The following TTN variants were observed in gnomAD, a reference collection of about 807,000 sequenced individuals.
The protein encoded by TTN is connectin.
A neutral mutation model predicts 3,223.0 loss-of-function variants in TTN; 1,525 were observed. The ratio of observed to expected loss-of-function variants is 0.47; its 90% CI spans 0.45 to 0.49. TTN has a LOEUF of 0.49. TTN is among the 20% of genes least tolerant of loss of function. The pLI is 0.00. For synonymous variants in TTN, 14,094 were observed against 15,161.0 expected (o/e 0.93, Z 5.17); for missense variants, 40,786 against 43,424.0 (o/e 0.94, Z 5.40).
In TTN at chr2:178,604,165, T is replaced by G; in HGVS notation, c.54522A>C (p.Lys18174Asn). The change falls in exon 282 of 363, where the codon AAA becomes AAC. Residue 18174 changes from lysine (K) to asparagine (N), a missense_variant. Coordinates refer to ENST00000589042, the MANE Select transcript of TTN (RefSeq NM_001267550.2). Reference sequence around the variant, plus strand: ...TTGATCCTTTGGTGCGTGCCAAAACTTTTGGTTTTCCTGGAGGTCCAGGAA... The same window carrying G: ...TTGATCCTTTGGTGCGTGCCAAAACGTTTGGTTTTCCTGGAGGTCCAGGAA... The part of the protein sequence containing the change: ...YRLPGPPGKP[K>N]VLARTKGSML... 2 of 1,612,098 alleles carry G rather than the reference T, an allele frequency of 1.2e-6. No homozygotes were observed. Among genetic ancestry groups the G allele is most frequent in the East Asian group, 2.2e-5 (1 of 44,712 alleles).
In TTN at chr2:178,634,916, T is replaced by A. The variant is rs569261819; in HGVS notation, c.42025-67A>T. ...TTCCCTATAGGAGAAGTGTTTCAGA[T>A]ACAAATTTCTATAGAGTTTTAAAAA... is the stretch of plus-strand genomic sequence containing the variant. On this transcript the variant is annotated intron_variant, in intron 228 of 362. Transcript: ENST00000589042. This position sits in a 1 kb window ranked among gnomAD's most constrained non-coding sequence, Gnocchi z 4.6. 9 of 1,528,312 alleles carry A rather than the reference T, an allele frequency of 5.9e-6. No individual in the cohort carries two copies. The highest frequency in any genetic ancestry group is 7.9e-6 in the Non-Finnish European group (9 of 1,142,734). The allele number at this position is 1,528,312 out of a possible 1,614,324, so 94.7% of individuals were successfully genotyped here.
intron 257 of TTN, 122 bp downstream of exon 257, chr2:178,616,357 A>G: frequency 1.5e-6 from 2 of 1,362,482 alleles, no homozygotes; most frequent in Non-Finnish European, 2.0e-6. Flanking sequence ...AAGTTTTTGT[A>G]CATTTTCAGT....
At chr2:178,789,266 TTG>T in intron 13 of TTN, 92 bp downstream of exon 13, 1 of 1,523,994 alleles carries the variant, frequency 6.6e-7, no homozygotes, top group African/African-American at 1.4e-5. Context: ...ATTCAGAGAC[TTG>T]ATATTAATGT....
chr2:178,743,440 TTTTC>T (rs1208824659), intron 47 of TTN, among the ~76,000 whole-genome samples: 1 of 151,948 alleles, frequency 6.6e-6, no homozygotes, highest in Non-Finnish European at 1.5e-5. Context: ...CAAGGCTTAC[TTTTC>T]TTTATTCAGT....
rs369313128 is a variant in TTN at position 178,785,716 on chromosome 2, C to T, written c.2397G>A (p.Thr799=). Residue 799 remains threonine (T), a synonymous_variant, in exon 15 of 363, where the codon ACG becomes ACA. Coordinates refer to ENST00000589042, the MANE Select transcript of TTN (RefSeq NM_001267550.2). ...GTTTATCCACATGGACTAATCTTTC[C>T]GTTGTTAGATCTGTAGTTTTCTTGA... The part of the protein sequence containing the change: ...SQIKKTTDLT[T]ERLVHVDKRP... The T allele has an allele frequency of 2.5e-5, 41 of 1,613,968 alleles. No homozygotes were observed. The highest frequency in any genetic ancestry group is 1.5e-4 in the African/African-American group (11 of 74,902).
rs891629905 is a variant in TTN, at chr2:178,569,758, T to A, written c.76374A>T (p.Pro25458=). The change falls in exon 326 of 363, where the codon CCA becomes CCT. Residue 25458 remains proline, a synonymous_variant. Coordinates refer to ENST00000589042, the MANE Select transcript of TTN (RefSeq NM_001267550.2). ...CTATGTTTGTTTTATTAATTCCTGT[T>A]GGTGGAGTGCACATTGTCCATTCAC... ...SVGEWTMCTP[P]TGINKTNIEV... is the part of the protein sequence containing the mutation. 3.1e-6 allele frequency: 5 copies of A among 1,613,302 alleles called. No homozygotes were observed. Among genetic ancestry groups the A allele is most frequent in the Middle Eastern group, 3.3e-4 (2 of 6,056 alleles).
intron 180 of TTN, among the ~76,000 whole-genome samples, chr2:178,660,770 ATCTAC>A (rs1194476195): frequency 2.6e-5 from 4 of 152,298 alleles, no homozygotes; most frequent in Non-Finnish European, 5.9e-5. Flanking sequence ...AATTTTTGCA[ATCTAC>A]TCATCTGACG....
rs760266983 is a variant in TTN at position 178,718,093 on chromosome 2, G to A, written c.24913C>T (p.Arg8305Ter). Reference sequence around the variant, plus strand: ...TGCATTTTATATGCAGGAGCTGATCGTAGCTTTGTGTGTTCTTTATACCAA... The same window carrying A: ...TGCATTTTATATGCAGGAGCTGATCATAGCTTTGTGTGTTCTTTATACCAA... ...ISWYKEHTKL[R>*]SAPAYKMQFK... The change falls in exon 86 of 363, where the codon CGA (arginine) becomes TGA (stop). Residue 8305 changes from arginine (R) to a stop codon, truncating the protein, a stop_gained. Coordinates refer to ENST00000589042, the MANE Select transcript of TTN (RefSeq NM_001267550.2). LOFTEE classifies it high-confidence loss of function. 3 of 1,613,200 alleles carry A rather than the reference G, an allele frequency of 1.9e-6. No individual in the cohort carries two copies. Among genetic ancestry groups the A allele is most frequent in the Non-Finnish European group, 2.5e-6 (3 of 1,179,706 alleles).
chr2:178,558,449 C>T lies in TTN; in HGVS notation c.87010G>A (p.Gly29004Ser), dbSNP rs761251825. The change falls in exon 327 of 363, where the codon GGT becomes AGT. Residue 29004 changes from glycine (G) to serine (S), a missense_variant. By Grantham distance (56) the Gly-to-Ser change is moderately conservative. Coordinates refer to ENST00000589042, the MANE Select transcript of TTN (RefSeq NM_001267550.2). ...VAKSTHHVVS[G>S]LRENSEYFFR... ...AAGTATTCAGAATTCTCTCTCAGAC[C>T]GGAAACAACGTGATGGGTTGACTTT... The T allele has an allele frequency of 4.6e-5, 74 of 1,613,612 alleles. No homozygotes were observed. Among genetic ancestry groups the T allele is most frequent in the South Asian group, 1.2e-4 (11 of 91,068 alleles).
chr2:178,720,472 G>T lies in TTN; in HGVS notation c.23290C>A (p.Leu7764Ile). The T allele has an allele frequency of 6.2e-7, 1 of 1,613,714 alleles. No individual in the cohort carries two copies. The highest frequency in any genetic ancestry group is 1.1e-5 in the South Asian group (1 of 91,074). The change falls in exon 80 of 363, where the codon CTT (leucine) becomes ATT (isoleucine). Residue 7764 changes from leucine to isoleucine, a missense_variant. Transcript: ENST00000589042. ...HFDTSLHILN[L>I]EASDVGEYHC... ...TATTCCCCGACATCGGAGGCTTCAAGATTAAGGATATGAAGACTTGTATCA... is the reference window on the plus strand; with the variant it reads ...TATTCCCCGACATCGGAGGCTTCAATATTAAGGATATGAAGACTTGTATCA...
In TTN at chr2:178,594,420, A is replaced by G. The variant is rs397517632; in HGVS notation, c.58074T>C (p.Arg19358=). ...GTCCAACAATGTTGACAGCACTGAC[A>G]CGGTACTCATAGGTATCACCTTCTT... is the stretch of plus-strand genomic sequence containing the variant. ...GLKEGDTYEY[R]VSAVNIVGQG... Residue 19358 remains arginine (R), a synonymous_variant, in exon 296 of 363, where the codon CGT becomes CGC. Coordinates refer to ENST00000589042, the MANE Select transcript of TTN (RefSeq NM_001267550.2). 5 of 1,612,124 alleles carry G rather than the reference A, an allele frequency of 3.1e-6. No homozygotes were observed. Among genetic ancestry groups the G allele is most frequent in the East Asian group, 2.2e-5 (1 of 44,724 alleles).
At chr2:178,703,167 A>G (rs1042068858) in intron 106 of TTN, among the ~76,000 whole-genome samples, 3 of 152,192 alleles carry the variant, frequency 2.0e-5, no homozygotes, top group Non-Finnish European at 4.4e-5. Context: ...AAAATTTTAG[A>G]GTTCAGAAAT....
chr2:178,718,543 A>G lies in TTN; in HGVS notation c.24563T>C (p.Ile8188Thr), dbSNP rs1184649078. 5 of 1,613,570 alleles carry G rather than the reference A, an allele frequency of 3.1e-6. No individual in the cohort carries two copies. Among genetic ancestry groups the G allele is most frequent in the African/African-American group, 2.7e-5 (2 of 74,924 alleles). The part of the protein sequence containing the change: ...ADFSVETGSP[I>T]VLEATYTGTP... The stretch of plus-strand genomic sequence containing the variant: ...GCCAGTGTATGTGGCCTCGAGAACT[A>G]TGGGGCTTCCTGTCTCAACACTGAA... The change falls in exon 85 of 363, where the codon ATA (isoleucine) becomes ACA (threonine). Residue 8188 changes from isoleucine to threonine, a missense_variant. Transcript: ENST00000589042.
intron 45 of TTN, among the ~76,000 whole-genome samples, chr2:178,757,227 A>ACACTGTACTTGCTTTAAGTACAG (rs1182075269): frequency 7.2e-4 from 108 of 150,278 alleles, no homozygotes; most frequent in Middle Eastern, 3.4e-3. Context: ...ACAGTAAGTA[A>ACACTGTACTTGCTTTAAGTACAG]TAATCAGCAA....
chr2:178,561,506 A>G lies in TTN; in HGVS notation c.84626T>C (p.Ile28209Thr), dbSNP rs1703653060. 1.2e-6 allele frequency: 2 copies of G among 1,613,610 alleles called. No homozygotes were observed. The highest frequency in any genetic ancestry group is 1.1e-5 in the South Asian group (1 of 91,068). The change falls in exon 326 of 363, where the codon ATT (isoleucine) becomes ACT (threonine). Residue 28209 changes from isoleucine (I) to threonine (T), a missense_variant. Transcript: ENST00000589042. Reference sequence around the variant, plus strand: ...GGAGACTTTCATTTGAGTATCAGCAATGAGGATTTTATTTGCTTTTGACCA... The same window carrying G: ...GGAGACTTTCATTTGAGTATCAGCAGTGAGGATTTTATTTGCTTTTGACCA... ...ILWSKANKIL[I>T]ADTQMKVSGL...
At position 178,527,164 on chromosome 2, in the gene TTN, G is replaced by A; in HGVS notation, c.107824C>T (p.Gln35942Ter). 1 of 1,613,956 alleles carries A rather than the reference G, an allele frequency of 6.2e-7. No homozygotes were observed. Among genetic ancestry groups the A allele is most frequent in the Non-Finnish European group, 8.5e-7 (1 of 1,179,872 alleles). Residue 35942 changes from glutamine to a stop codon, truncating the protein, a stop_gained, in exon 363 of 363, where the codon CAG (glutamine) becomes TAG (stop). Coordinates refer to ENST00000589042, the MANE Select transcript of TTN (RefSeq NM_001267550.2). LOFTEE classifies it high-confidence loss of function. ...GTGTTTTCAATGTGGAACCTCCCCT[G>A]TTCTTGACTGTGGATTTTTCTTCCA... ...CGGRKIHSQE[Q>*]GRFHIENTDD...
At position 178,642,236 on chromosome 2, in the gene TTN, C is replaced by A. The variant is rs368219776; in HGVS notation, c.40558+1G>T. On this transcript the variant is annotated splice_donor_variant, in intron 219 of 362. Coordinates refer to ENST00000589042, the MANE Select transcript of TTN (RefSeq NM_001267550.2). LOFTEE classifies it high-confidence loss of function. Reference sequence around the variant, plus strand: ...GACAGAATGGTTGAAAAATACTATACCGCTTTTCAGAACAACTTCTTCCTT... The same window carrying A: ...GACAGAATGGTTGAAAAATACTATAACGCTTTTCAGAACAACTTCTTCCTT... 6.3e-7 allele frequency: 1 copy of A among 1,579,580 alleles called. No individual in the cohort carries two copies. Among genetic ancestry groups the A allele is most frequent in the Non-Finnish European group, 8.6e-7 (1 of 1,161,140 alleles).
Position 178,587,743 on chromosome 2 carries a change from C to A in TTN, c.63566G>T (p.Gly21189Val). The change falls in exon 306 of 363, where the codon GGA becomes GTA. Residue 21189 changes from glycine (G) to valine (V), a missense_variant. Gly to Val is a moderately radical substitution (Grantham distance 109). Transcript: ENST00000589042. ...SMRKLVIVRA[G>V]CPIRLFAIVR... ...TATAGCAAAGAGACGAATAGGGCAT[C>A]CTGCTCTCACTATGACCAGTTTCCT... The A allele has an allele frequency of 1.2e-6, 2 of 1,612,354 alleles. No individual in the cohort carries two copies. The highest frequency in any genetic ancestry group is 1.7e-6 in the Non-Finnish European group (2 of 1,179,074).
At position 178,649,884 on chromosome 2, in the gene TTN, C is replaced by T. The variant is rs762578039; in HGVS notation, c.39828G>A (p.Glu13276=). The change falls in exon 211 of 363, where the codon GAG becomes GAA. Residue 13276 remains glutamate, a synonymous_variant. Transcript: ENST00000589042. ...PEVPPPAVPE[E]PKKIIPEKKV... Reference sequence around the variant, plus strand: ...TCTTCTCTGGGATGATCTTCTTGGGCTCTTCAGGCACTTGAATAATAGGAA... The same window carrying T: ...TCTTCTCTGGGATGATCTTCTTGGGTTCTTCAGGCACTTGAATAATAGGAA... The T allele has an allele frequency of 2.5e-6, 4 of 1,609,132 alleles. No homozygotes were observed. The highest frequency in any genetic ancestry group is 2.2e-5 in the East Asian group (1 of 44,810).
Sources: gnomAD v4.1 joint callset for allele counts (sites outside exome capture counted in the v4.1 genomes callset) on GRCh38, gnomAD v4.1.1 for gene constraint, Gnocchi (gnomAD v3.1) non-coding constraint, MANE v1.5 for transcripts, NCBI Gene and HGNC (gene_info 2026-07-23, HGNC 2026-07-21) for gene names.